Variants in FOLR3 observed in about 807,000 individuals in gnomAD.
FOLR3 encodes folate receptor 3 (gamma).
FOLR3 carries 9 observed loss-of-function variants against 20.0 expected under a neutral mutation model. The ratio of observed to expected loss-of-function variants is 0.45; its 90% CI spans 0.27 to 0.79. FOLR3 has a LOEUF of 0.79. Ranked by LOEUF, FOLR3 falls within the 30% of genes least tolerant of loss-of-function variation. The probability of loss-of-function intolerance (pLI) is 0.15; values close to 1 mark genes in which losing one functional copy is unlikely to be tolerated. For synonymous variants in FOLR3, 124 were observed against 115.5 expected, an observed-to-expected ratio of 1.07 and a Z score of -0.47; for missense variants, 309 against 323.5, an observed-to-expected ratio of 0.96 and a Z score of 0.34.
rs1947738375 is a variant in FOLR3, at chr11:72,136,063, C to T, written c.111C>T (p.Cys37=). ...ARARTDLLNV[C]MNAKHHKTQP... ...CCAGGACGGACCTGCTCAATGTCTG[C>T]ATGAACGCCAAGCACCACAAGACAC... The change falls in exon 2 of 5, where the codon TGC becomes TGT. Residue 37 remains cysteine (C), a synonymous_variant. Coordinates refer to ENST00000611028, the MANE Select transcript of FOLR3 (RefSeq NM_000804.4). 1 of 1,614,102 alleles carries T rather than the reference C, an allele frequency of 6.2e-7. No homozygotes were observed. Among genetic ancestry groups the T allele is most frequent in the Non-Finnish European group, 8.5e-7 (1 of 1,179,942 alleles).
In FOLR3 at chr11:72,139,860, A is replaced by G; in HGVS notation, c.*29A>G. 1 of 1,611,020 alleles carries G rather than the reference A, an allele frequency of 6.2e-7. No individual in the cohort carries two copies. Among genetic ancestry groups the G allele is most frequent in the East Asian group, 2.2e-5 (1 of 44,832 alleles). ...AAGAAGGGTCCTCTGGGGTTCTTCC[A>G]ACAACCTATTCTAATAGACAAATCC... On this transcript the variant is annotated 3_prime_UTR_variant, in exon 5 of 5. Coordinates refer to ENST00000611028, the MANE Select transcript of FOLR3 (RefSeq NM_000804.4).
chr11:72,137,741 G>A (rs939370608), intron 2 of FOLR3, among the ~76,000 whole-genome samples: 2 of 151,990 alleles, frequency 1.3e-5, no homozygotes, highest in South Asian at 2.1e-4. Context: ...TGATCCGCCC[G>A]CCTCCTTAAA....
rs1289595366 is a variant in FOLR3, at chr11:72,139,014, G to A, written c.222G>A (p.Leu74=). 6.2e-7 allele frequency: 1 copy of A among 1,613,988 alleles called. No homozygotes were observed. Among genetic ancestry groups the A allele is most frequent in the East Asian group, 2.2e-5 (1 of 44,884 alleles). ...GCACGGCCAGCACCAGCCAGGAGCT[G>A]CACAAGGACACCTCCCGCCTGTACA... ...ACCTASTSQE[L]HKDTSRLYNF... The change falls in exon 3 of 5, where the codon CTG becomes CTA. Residue 74 remains leucine (L), a synonymous_variant. Transcript: ENST00000611028.
In FOLR3 at chr11:72,139,119, C is replaced by A. The variant is rs1394963138; in HGVS notation, c.327C>A (p.Cys109Ter). The change falls in exon 3 of 5, where the codon TGC becomes TGA. Residue 109 changes from cysteine (C) to a stop codon, truncating the protein, a stop_gained. Coordinates refer to ENST00000611028, the MANE Select transcript of FOLR3 (RefSeq NM_000804.4). LOFTEE classifies it high-confidence loss of function. ...TCCAGGACAGCTGTCTCTATGAGTG[C>A]TCACCCAACCTGGGGCCCTGGATCC... is the stretch of plus-strand genomic sequence containing the variant. ...HFIQDSCLYE[C>*]SPNLGPWIRQ... The A allele has an allele frequency of 6.2e-7, 1 of 1,613,628 alleles. No homozygotes were observed. The highest frequency in any genetic ancestry group is 8.5e-7 in the Non-Finnish European group (1 of 1,179,710).
intron 2 of FOLR3, among the ~76,000 whole-genome samples, chr11:72,136,996 C>T (rs189590020): frequency 0.014 from 2,026 of 144,484 alleles, no homozygotes; most frequent in East Asian, 0.053. Context: ...AGTGTGAAGT[C>T]GGGCTGGCAG....
intron 2 of FOLR3, among the ~76,000 whole-genome samples, chr11:72,137,571 A>C (rs192256301): frequency 1.3e-5 from 2 of 151,798 alleles, no homozygotes; most frequent in East Asian, 3.9e-4. Flanking sequence ...GGCTCACTGC[A>C]ACCTCTGCCT....
chr11:72,135,899 T>C, intron 1 of FOLR3, 48 bp from the exon 2 acceptor site: 1 of 1,572,820 alleles, frequency 6.4e-7, no homozygotes, highest in South Asian at 1.1e-5. Context: ...ACATGGCTGT[T>C]GCCCCTGTCT....
chr11:72,138,686 T>G, intron 2 of FOLR3: 1 of 492,828 alleles, frequency 2.0e-6, no homozygotes, highest in Non-Finnish European at 3.7e-6. Flanking sequence ...GTGGGAGGAT[T>G]ATTTGAGCCC....
In FOLR3 at chr11:72,139,720, C is replaced by T. The variant is rs1201142634; in HGVS notation, c.627C>T (p.Cys209=). 6.2e-7 allele frequency: 1 copy of T among 1,614,094 alleles called. No individual in the cohort carries two copies. ...ACTATAGTCGAGGGAGCGGCCGCTG[C>T]ATCCAGATGTGGTTTGACTCAGCCC... ...VSNYSRGSGR[C]IQMWFDSAQG... is the part of the protein sequence containing the mutation. Residue 209 remains cysteine (C), a synonymous_variant, in exon 5 of 5, where the codon TGC becomes TGT. Coordinates refer to ENST00000611028, the MANE Select transcript of FOLR3 (RefSeq NM_000804.4).
At chr11:72,139,513 G>A (rs369858992) in intron 4 of FOLR3, 31 bp downstream of exon 4, 5 of 1,613,068 alleles carry the variant, frequency 3.1e-6, no homozygotes, top group Non-Finnish European at 3.4e-6. Flanking sequence ...GATGAGGAGT[G>A]GGAGTGGGGC....
chr11:72,139,282 C>T (rs931041618), intron 3 of FOLR3, 65 bp from the exon 4 acceptor site: 55 of 1,573,988 alleles, frequency 3.5e-5, no homozygotes, highest in Non-Finnish European at 4.2e-5. Flanking sequence ...AGCTCTGGTC[C>T]CCTTCAAGGG....
chr11:72,139,219 G>A, intron 3 of FOLR3, 70 bp downstream of exon 3: 1 of 1,565,628 alleles, frequency 6.4e-7, no homozygotes, highest in Non-Finnish European at 8.7e-7. Flanking sequence ...GGCAGGGAGG[G>A]CTTGGTCCAG....
Position 72,138,984 on chromosome 11 carries a change from C to T in FOLR3, c.192C>T (p.Ala64=). Residue 64 remains alanine, a synonymous_variant, in exon 3 of 5, where the codon GCC becomes GCT. Coordinates refer to ENST00000611028, the MANE Select transcript of FOLR3 (RefSeq NM_000804.4). ...AGTGCAGTCCCTGGAAGAAGAATGCCTGCTGCACGGCCAGCACCAGCCAGG... is the reference window on the plus strand; with the variant it reads ...AGTGCAGTCCCTGGAAGAAGAATGCTTGCTGCACGGCCAGCACCAGCCAGG... ...YGQCSPWKKN[A]CCTASTSQEL... is the part of the protein sequence containing the mutation. 2 of 1,613,980 alleles carry T rather than the reference C, an allele frequency of 1.2e-6. No individual in the cohort carries two copies. Among genetic ancestry groups the T allele is most frequent in the Non-Finnish European group, 1.7e-6 (2 of 1,179,882 alleles).
At chr11:72,138,126 G>A (rs887939896) in intron 2 of FOLR3, among the ~76,000 whole-genome samples, 2 of 152,132 alleles carry the variant, frequency 1.3e-5, no homozygotes, top group African/African-American at 4.8e-5. Context: ...CAACACTTTG[G>A]GAGGCCAAGG....
intron 2 of FOLR3, among the ~76,000 whole-genome samples, chr11:72,137,409 G>C (rs1209655611): frequency 6.6e-6 from 1 of 151,788 alleles, no homozygotes; most frequent in Non-Finnish European, 1.5e-5. Flanking sequence ...CCAGACCCTG[G>C]GAGAGCCAGA....
At position 72,135,725 on chromosome 11, in the gene FOLR3, A is replaced by C. The variant is rs770171051; in HGVS notation, c.-50A>C. On this transcript the variant is annotated 5_prime_UTR_variant, in exon 1 of 5. Coordinates refer to ENST00000611028, the MANE Select transcript of FOLR3 (RefSeq NM_000804.4). ...CAAGGTCACAGAGCAAGCTGGTGTC[A>C]GAGCCTGGACCTACAGCGCTGTTGG... The C allele has an allele frequency of 1.7e-5, 10 of 578,610 alleles. No individual in the cohort carries two copies. The highest frequency in any genetic ancestry group is 2.8e-5 in the Non-Finnish European group (9 of 323,434). The allele number at this position is 578,610 out of a possible 1,614,324, so 35.8% of individuals were successfully genotyped here. A position where few individuals can be genotyped will look rare whatever the true frequency, so the allele number is the denominator to read the frequency against.
Position 72,136,014 on chromosome 11 carries a change from G to T in FOLR3, c.62G>T (p.Ser21Ile). The T allele has an allele frequency of 6.2e-7, 1 of 1,613,966 alleles. No individual in the cohort carries two copies. Among genetic ancestry groups the T allele is most frequent in the Non-Finnish European group, 8.5e-7 (1 of 1,179,876 alleles). Reference protein sequence around the residue: ...LLLALVTAAGSAQPRSARART... With the variant: ...LLLALVTAAGIAQPRSARART... ...CTGGCTTTGGTGACTGCTGCGGGGA[G>T]TGCCCAGCCCAGGAGTGCGCGGGCC... Residue 21 changes from serine (S) to isoleucine (I), a missense_variant, in exon 2 of 5, where the codon AGT becomes ATT. Transcript: ENST00000611028.
chr11:72,139,322 A>G, intron 3 of FOLR3, 25 bp from the exon 4 acceptor site: 1 of 1,608,080 alleles, frequency 6.2e-7, no homozygotes, highest in Non-Finnish European at 8.5e-7. Context: ...GGCTGACAGG[A>G]GTATTCTGTC....
In FOLR3 at chr11:72,136,115, G is replaced by A; in HGVS notation, c.163G>A (p.Gly55Ser). The A allele has an allele frequency of 6.2e-7, 1 of 1,614,062 alleles. No individual in the cohort carries two copies. Among genetic ancestry groups the A allele is most frequent in the Non-Finnish European group, 8.5e-7 (1 of 1,179,916 alleles). The part of the protein sequence containing the change: ...TQPSPEDELY[G>S]QCSPWKKNAC... The stretch of plus-strand genomic sequence containing the variant: ...GCCCAGCCCCGAGGACGAGCTGTAT[G>A]GCCAGGTGAGGGCAGCCTGGTGTAG... The change falls in exon 2 of 5, where the codon GGC becomes AGC. Residue 55 changes from glycine (G) to serine (S), a missense_variant. Physicochemically the swap from Gly to Ser is moderately conservative, Grantham distance 56. Transcript: ENST00000611028.
Sources: gnomAD v4.1 joint callset for allele counts (sites outside exome capture counted in the v4.1 genomes callset) on GRCh38, gnomAD v4.1.1 for gene constraint, MANE v1.5 for transcripts, NCBI Gene and HGNC (gene_info 2026-07-23, HGNC 2026-07-21) for gene names.